PLXDC2: variants seen among roughly 807,000 people sequenced by gnomAD.
PLXDC2 encodes plexin domain containing 2.
PLXDC2 carries 40 observed loss-of-function variants against 68.9 expected under a neutral mutation model. The observed-to-expected ratio is 0.58, with a 90% CI of 0.45 to 0.76. PLXDC2 has a LOEUF of 0.76. Ranked by LOEUF, PLXDC2 falls within the 30% of genes least tolerant of loss-of-function variation. PLXDC2 has a pLI of 0.00. For synonymous variants in PLXDC2, 243 were observed against 234.2 expected, an observed-to-expected ratio of 1.04 and a Z score of -0.34; for missense variants, 644 against 661.9, an observed-to-expected ratio of 0.97 and a Z score of 0.30.
chr10:20,066,191 G>A (rs991735760), intron 3 of PLXDC2, among the ~76,000 whole-genome samples: 2 of 152,326 alleles, frequency 1.3e-5, no homozygotes, highest in South Asian at 2.1e-4. Flanking sequence ...TCAGTCACTG[G>A]TGTTGCTCTT....
chr10:20,178,646 A>G (rs1311913760), intron 9 of PLXDC2, among the ~76,000 whole-genome samples: 4 of 152,168 alleles, frequency 2.6e-5, no homozygotes, highest in African/African-American at 9.6e-5. Context: ...CGATAAAGAC[A>G]TGCTCCAGGA....
chr10:20,089,139 G>A (rs1006922687), intron 4 of PLXDC2, among the ~76,000 whole-genome samples: 3 of 149,762 alleles, frequency 2.0e-5, no homozygotes, highest in African/African-American at 5.0e-5. Flanking sequence ...TTAAAGGTCT[G>A]CTGTTAAATT....
At chr10:19,916,000 T>G (rs1190741032) in intron 1 of PLXDC2, among the ~76,000 whole-genome samples, 1 of 152,090 alleles carries the variant, frequency 6.6e-6, no homozygotes, top group African/African-American at 2.4e-5. Context: ...GGTGCTTTCA[T>G]GTGTACCTCT....
intron 2 of PLXDC2, among the ~76,000 whole-genome samples, chr10:20,015,750 C>A (rs781668486): frequency 3.9e-5 from 6 of 152,124 alleles, no homozygotes; most frequent in Admixed American, 6.6e-5. Flanking sequence ...GTGAACCCAA[C>A]ATTCTGGGCA....
At chr10:20,220,182 G>A (rs574844186) in intron 12 of PLXDC2, among the ~76,000 whole-genome samples, 12 of 152,222 alleles carry the variant, frequency 7.9e-5, no homozygotes, top group African/African-American at 2.6e-4. Flanking sequence ...TGCAGTAAGT[G>A]AATAGTTTTA....
intron 4 of PLXDC2, among the ~76,000 whole-genome samples, chr10:20,130,846 T>C (rs796406658): frequency 6.6e-6 from 1 of 152,212 alleles, no homozygotes; most frequent in South Asian, 2.1e-4. Flanking sequence ...TCATGGGTAG[T>C]GATCCTTTTA....
At chr10:20,083,338 G>A (rs190444850) in intron 4 of PLXDC2, among the ~76,000 whole-genome samples, 4 of 152,090 alleles carry the variant, frequency 2.6e-5, no homozygotes, top group East Asian at 3.9e-4. Flanking sequence ...TTAGCCGGGC[G>A]AGGTGGCATG....
chr10:19,822,854 A>G (rs1036403880), intron 1 of PLXDC2, among the ~76,000 whole-genome samples: 1 of 152,014 alleles, frequency 6.6e-6, no homozygotes, highest in South Asian at 2.1e-4. Context: ...CTGTTGATAG[A>G]TAGGACTTTC....
chr10:20,122,967 T>C lies in PLXDC2; in HGVS notation c.542-20328T>C, dbSNP rs533705117. 3.1e-4 allele frequency among the ~76,000 whole-genome samples: 47 copies of C among 152,316 alleles called. 1 individual carries two copies. In the South Asian group the frequency reaches 8.7e-3, roughly 28 times the overall value. ...AGTCATGAGCTGGGCTGGATTTTTA[T>C]ATTTGATGAAAAAGAGCCTAAATGC... On this transcript the variant is annotated intron_variant, in intron 4 of 13. Coordinates refer to ENST00000377252, the MANE Select transcript of PLXDC2 (RefSeq NM_032812.9).
chr10:20,165,765 T>G (rs1004235298), intron 7 of PLXDC2, among the ~76,000 whole-genome samples: 1 of 152,198 alleles, frequency 6.6e-6, no homozygotes, highest in African/African-American at 2.4e-5. Context: ...GTTTACATTT[T>G]ATAGAATAAA....
At chr10:19,875,255 C>T (rs1589513556) in intron 1 of PLXDC2, among the ~76,000 whole-genome samples, 1 of 152,108 alleles carries the variant, frequency 6.6e-6, no homozygotes, top group African/African-American at 2.4e-5. Flanking sequence ...AGAAAATAAA[C>T]AGGAAAGAAA....
intron 12 of PLXDC2, among the ~76,000 whole-genome samples, chr10:20,239,984 G>A (rs1671968879): frequency 6.6e-6 from 1 of 152,064 alleles, no homozygotes; most frequent in South Asian, 2.1e-4. Context: ...TGTTTTATAG[G>A]TAAATTATCA....
chr10:20,173,061 G>C (rs541308099), intron 7 of PLXDC2, among the ~76,000 whole-genome samples: 1 of 152,262 alleles, frequency 6.6e-6, no homozygotes, highest in South Asian at 2.1e-4. Context: ...GAAGCTTGTA[G>C]CCACTATAAT....
chr10:19,927,543 A>T (rs1359790024), intron 1 of PLXDC2, among the ~76,000 whole-genome samples: 4 of 151,730 alleles, frequency 2.6e-5, no homozygotes, highest in Admixed American at 1.3e-4. Context: ...CTACTAAAAA[A>T]ATACAAAAAT....
intron 1 of PLXDC2, among the ~76,000 whole-genome samples, chr10:19,883,677 T>A (rs1837780888): frequency 6.6e-6 from 1 of 151,240 alleles, no homozygotes; most frequent in Non-Finnish European, 1.5e-5. Flanking sequence ...ATGCTGTTTC[T>A]TTCTGCTTTC....
intron 13 of PLXDC2, among the ~76,000 whole-genome samples, chr10:20,275,843 G>A (rs1272449751): frequency 1.3e-5 from 2 of 152,094 alleles, no homozygotes; most frequent in Non-Finnish European, 2.9e-5. Flanking sequence ...AATCCAGAAG[G>A]CAGAGGTTGC....
chr10:20,097,518 C>T (rs1158122752), intron 4 of PLXDC2, among the ~76,000 whole-genome samples: 2 of 152,052 alleles, frequency 1.3e-5, no homozygotes, highest in African/African-American at 2.4e-5. Context: ...TAAAAATTTC[C>T]TCCTATTATA....
intron 1 of PLXDC2, among the ~76,000 whole-genome samples, chr10:19,922,711 T>G (rs1833480435): frequency 6.6e-6 from 1 of 152,222 alleles, no homozygotes; most frequent in Non-Finnish European, 1.5e-5. Flanking sequence ...CTTAGTGATT[T>G]CAGTGGCAAA....
At position 20,285,653 on chromosome 10, in the gene PLXDC2, G is replaced by A. The variant is rs1217264123; in HGVS notation, c.*5834G>A. The stretch of plus-strand genomic sequence containing the variant: ...CTTTCTAGTTCACTGCAGTCTTACT[G>A]ACCAGATGCAACAGTTGAAGTTTGA... On this transcript the variant is annotated 3_prime_UTR_variant, in exon 14 of 14. Transcript: ENST00000377252. 6.6e-6 allele frequency: 1 copy of A among 152,164 alleles called. No homozygotes were observed. Among genetic ancestry groups the A allele is most frequent in the Non-Finnish European group, 1.5e-5 (1 of 68,040 alleles). The allele number at this position is 152,164 out of a possible 1,614,324, so 9.4% of individuals were successfully genotyped here.
Sources: allele counts gnomAD v4.1 joint callset (sites outside exome capture counted in the v4.1 genomes callset), GRCh38; gene constraint gnomAD v4.1.1; transcripts MANE v1.5; gene names NCBI Gene and HGNC (gene_info 2026-07-23, HGNC 2026-07-21).